The following RSF1 variants were observed in gnomAD, a reference collection of about 807,000 sequenced individuals.
The protein encoded by RSF1 is remodeling and spacing factor 1, also known as HBV pX-associated protein 8.
In RSF1, 13 loss-of-function variants were observed where a neutral mutation model predicts 145.2. The observed-to-expected ratio is 0.09, with a 90% CI of 0.06 to 0.14. RSF1 has a LOEUF of 0.14. Ranked by LOEUF, RSF1 falls within the 10% of genes least tolerant of loss-of-function variation. The pLI is 1.00. For synonymous variants in RSF1, 577 were observed against 592.6 expected, an observed-to-expected ratio of 0.97 and a Z score of 0.38; for missense variants, 1,517 against 1,718.2, an observed-to-expected ratio of 0.88 and a Z score of 2.07.
chr11:77,704,051 T>C (rs758726365), intron 5 of RSF1, among the ~76,000 whole-genome samples: 1 of 152,228 alleles, frequency 6.6e-6, no homozygotes, highest in Non-Finnish European at 1.5e-5. Flanking sequence ...CCCAGCACTT[T>C]GGGAGGCCAA....
chr11:77,805,722 T>C (rs1948671124), intron 1 of RSF1, among the ~76,000 whole-genome samples: 1 of 152,212 alleles, frequency 6.6e-6, no homozygotes, highest in South Asian at 2.1e-4. Context: ...ATCTGTTTAT[T>C]CAAGTAAGCT....
chr11:77,716,939 A>C (rs1450654835), intron 5 of RSF1, among the ~76,000 whole-genome samples: 1 of 152,162 alleles, frequency 6.6e-6, no homozygotes, highest in East Asian at 1.9e-4. Flanking sequence ...GCACTTTGGG[A>C]GGCCGAGACG....
intron 1 of RSF1, among the ~76,000 whole-genome samples, chr11:77,778,029 G>C (rs1948359860): frequency 7.6e-6 from 1 of 131,902 alleles, no homozygotes; most frequent in Admixed American, 8.3e-5. Context: ...AATCCCAGCA[G>C]GCTGAGGCAT....
chr11:77,698,526 T>G lies in RSF1; in HGVS notation c.2676A>C (p.Glu892Asp). 1 of 1,614,040 alleles carries G rather than the reference T, an allele frequency of 6.2e-7. No homozygotes were observed. Among genetic ancestry groups the G allele is most frequent in the Non-Finnish European group, 8.5e-7 (1 of 1,179,994 alleles). Reference sequence around the variant, plus strand: ...TTGGAAGGCCACATTTTTTGCATGGTTCATCATCATCTGCTAGGATGGCTT... The same window carrying G: ...TTGGAAGGCCACATTTTTTGCATGGGTCATCATCATCTGCTAGGATGGCTT... ...SEEAILADDDEPCKKCGLPNH... is the reference protein window; with the variant it reads ...SEEAILADDDDPCKKCGLPNH... The change falls in exon 7 of 16, where the codon GAA (glutamate) becomes GAC (aspartate). Residue 892 changes from glutamate to aspartate, a missense_variant. Coordinates refer to ENST00000308488, the MANE Select transcript of RSF1 (RefSeq NM_016578.4).
At chr11:77,778,156 A>G (rs1590881294) in intron 1 of RSF1, among the ~76,000 whole-genome samples, 37 of 15,912 alleles carry the variant, frequency 2.3e-3, no homozygotes, top group Non-Finnish European at 3.2e-3. Context: ...GGGGGGAGGG[A>G]AGGGGGAATG....
intron 1 of RSF1, among the ~76,000 whole-genome samples, chr11:77,805,330 T>C (rs1368781691): frequency 1.3e-5 from 2 of 151,628 alleles, no homozygotes; most frequent in Non-Finnish European, 2.9e-5. Flanking sequence ...TAGCCAGGCG[T>C]GGTGGCATGC....
At chr11:77,673,609 A>C (rs915111366) in intron 14 of RSF1, among the ~76,000 whole-genome samples, 13 of 152,240 alleles carry the variant, frequency 8.5e-5, no homozygotes, top group Admixed American at 8.5e-4. Flanking sequence ...TCCTTACAGA[A>C]CAACAATAAA....
At chr11:77,836,274 A>T in the RSF1 span, among the ~76,000 whole-genome samples, 5 of 152,024 alleles carry the variant, frequency 3.3e-5, no homozygotes, top group Non-Finnish European at 7.4e-5. Context: ...AACCCCAAAA[A>T]CGACTGTAGT....
rs1305358877 is a variant in RSF1 at position 77,661,031 on chromosome 11, T to C, written c.*5886A>G. ...TTCTACAAGATTTCAAAATACTTAG[T>C]GAATAAGGAAGGAACTGAAACTTGA... is the stretch of plus-strand genomic sequence containing the variant. On this transcript the variant is annotated 3_prime_UTR_variant, in exon 16 of 16. Coordinates refer to ENST00000308488, the MANE Select transcript of RSF1 (RefSeq NM_016578.4). 1.3e-5 allele frequency: 2 copies of C among 152,182 alleles called. No individual in the cohort carries two copies. The highest frequency in any genetic ancestry group is 2.9e-5 in the Non-Finnish European group (2 of 68,006). The allele number at this position is 152,182 out of a possible 1,614,324, so 9.4% of individuals were successfully genotyped here.
chr11:77,750,352 C>CA (rs1948049082), intron 2 of RSF1, among the ~76,000 whole-genome samples: 1 of 152,162 alleles, frequency 6.6e-6, no homozygotes, highest in Admixed American at 6.5e-5. Context: ...TATCATGGTG[C>CA]AAAATCAGCC....
At chr11:77,824,413 A>G (rs1042207109), upstream of RSF1, among the ~76,000 whole-genome samples, 1 of 152,216 alleles carries the variant, frequency 6.6e-6, no homozygotes, top group African/African-American at 2.4e-5. Context: ...GATATTTCAA[A>G]TTTCATGTCC....
intron 1 of RSF1, among the ~76,000 whole-genome samples, chr11:77,796,065 C>T (rs1948569393): frequency 1.3e-5 from 2 of 151,932 alleles, no homozygotes; most frequent in Admixed American, 6.6e-5. Flanking sequence ...TCCCCTATAT[C>T]GTTTCTTCTT....
intron 9 of RSF1, 51 bp from the exon 10 acceptor site, chr11:77,685,210 G>T: frequency 9.0e-7 from 1 of 1,114,576 alleles, no homozygotes; most frequent in Non-Finnish European, 1.3e-6. Context: ...AAATAAAACT[G>T]TTATGTAAAC....
chr11:77,844,368 C>G, the RSF1 span, among the ~76,000 whole-genome samples: 1 of 151,810 alleles, frequency 6.6e-6, no homozygotes. Context: ...TTCTTTCTTT[C>G]TTTGTTTTTT....
chr11:77,864,186 C>A, the RSF1 span, among the ~76,000 whole-genome samples: 1 of 152,270 alleles, frequency 6.6e-6, no homozygotes, highest in South Asian at 2.1e-4. Flanking sequence ...CTCAGCCTCC[C>A]AAAGTGTTGG....
chr11:77,665,642 T>C lies in RSF1; in HGVS notation c.*1275A>G, dbSNP rs890216869. The C allele has an allele frequency of 6.6e-6, 1 of 152,250 alleles. No homozygotes were observed. The highest frequency in any genetic ancestry group is 6.5e-5 in the Admixed American group (1 of 15,278). 9.4% of individuals were successfully genotyped at this position (152,250 alleles called of 1,614,324 possible). ...CTATTAATTACATCGGCAGTTCTCA[T>C]TCAACTCTATGTTGGTTGTATGACT... On this transcript the variant is annotated 3_prime_UTR_variant, in exon 16 of 16. Coordinates refer to ENST00000308488, the MANE Select transcript of RSF1 (RefSeq NM_016578.4).
In RSF1 at chr11:77,666,808, G is replaced by T; in HGVS notation, c.*109C>A. 1 of 857,126 alleles carries T rather than the reference G, an allele frequency of 1.2e-6. No homozygotes were observed. Among genetic ancestry groups the T allele is most frequent in the Non-Finnish European group, 1.7e-6 (1 of 587,156 alleles). 53.1% of individuals were successfully genotyped at this position (857,126 alleles called of 1,614,324 possible). A position where few individuals can be genotyped will look rare whatever the true frequency, so the allele number is the denominator to read the frequency against. The stretch of plus-strand genomic sequence containing the variant: ...ATTTGTTGAAATTTTTCTTCTAAAA[G>T]TCATTCTGTAGTGGAGTTTTCTAGG... On this transcript the variant is annotated 3_prime_UTR_variant, in exon 16 of 16. Coordinates refer to ENST00000308488, the MANE Select transcript of RSF1 (RefSeq NM_016578.4).
At chr11:77,754,751 GA>G (rs960068195) in intron 2 of RSF1, among the ~76,000 whole-genome samples, 4 of 151,592 alleles carry the variant, frequency 2.6e-5, no homozygotes, top group Non-Finnish European at 4.4e-5. Context: ...CGAAAAAAAA[GA>G]AAACCCCCAA....
intron 1 of RSF1, chr11:77,813,595 T>C: frequency 1.5e-6 from 1 of 653,550 alleles, no homozygotes; most frequent in East Asian, 2.7e-5. Context: ...GATTTTATGT[T>C]GCGGCTCGTT....
Sources: allele counts gnomAD v4.1 joint callset (sites outside exome capture counted in the v4.1 genomes callset), GRCh38; gene constraint gnomAD v4.1.1; transcripts MANE v1.5; gene names NCBI Gene and HGNC (gene_info 2026-07-23, HGNC 2026-07-21).